MARK3: variants seen among roughly 807,000 people sequenced by gnomAD.
The protein encoded by MARK3 is MAP/microtubule affinity-regulating kinase 3.
MARK3 carries 46 observed loss-of-function variants against 90.1 expected under a neutral mutation model. The observed-to-expected ratio is 0.51, with a 90% CI of 0.40 to 0.65. MARK3 has a LOEUF of 0.65. Ranked by LOEUF, MARK3 falls within the 30% of genes least tolerant of loss-of-function variation. MARK3 has a pLI of 0.00. For missense variants in MARK3, 818 were observed against 947.2 expected, an observed-to-expected ratio of 0.86 and a Z score of 1.79; for synonymous variants, 321 against 332.6, an observed-to-expected ratio of 0.97 and a Z score of 0.38.
In MARK3 at chr14:103,491,885, C is replaced by T; in HGVS notation, c.1695C>T (p.Phe565=). 6.2e-7 allele frequency: 1 copy of T among 1,614,220 alleles called. No homozygotes were observed. Among genetic ancestry groups the T allele is most frequent in the Non-Finnish European group, 8.5e-7 (1 of 1,180,040 alleles). Residue 565 remains phenylalanine, a synonymous_variant, in exon 15 of 18, where the codon TTC becomes TTT. Transcript: ENST00000429436. The stretch of plus-strand genomic sequence containing the variant: ...GAGGCACTGCCAGTCGTAGCACTTT[C>T]CACGGCCAGCCCCGGGAACGGCGAA... ...FPRGTASRST[F]HGQPRERRTA...
Position 103,385,752 on chromosome 14 carries a change from G to A in MARK3, c.-278G>A, listed in dbSNP as rs2089735729. 1.7e-5 allele frequency: 6 copies of A among 361,924 alleles called. No individual in the cohort carries two copies. Among genetic ancestry groups the A allele is most frequent in the Non-Finnish European group, 3.0e-5 (6 of 202,716 alleles). 22.4% of individuals were successfully genotyped at this position (361,924 alleles called of 1,614,324 possible). On this transcript the variant is annotated 5_prime_UTR_variant, in exon 1 of 18. Coordinates refer to ENST00000429436, the MANE Select transcript of MARK3 (RefSeq NM_001128918.3). ...TGAGGCAAGGGGACGCCGGCGGGCC[G>A]AAGCGCAGCCCGCCGCCCGCAGGCT...
chr14:103,410,936 A>G (rs1234536466), intron 2 of MARK3, among the ~76,000 whole-genome samples: 1 of 152,036 alleles, frequency 6.6e-6, no homozygotes, highest in Non-Finnish European at 1.5e-5. Flanking sequence ...TCTTTATTAC[A>G]TTTGGGTTTC....
At chr14:103,449,296 C>CT (rs1436117480) in intron 4 of MARK3, among the ~76,000 whole-genome samples, 1 of 151,060 alleles carries the variant, frequency 6.6e-6, no homozygotes, top group African/African-American at 2.4e-5. Context: ...TTCAAAGGGG[C>CT]TGGGCACAGT....
chr14:103,467,958 A>G (rs1395924467), intron 11 of MARK3, 75 bp from the exon 12 acceptor site: 2 of 1,460,452 alleles, frequency 1.4e-6, no homozygotes, highest in Admixed American at 1.9e-5. Context: ...GTCTGTGTTA[A>G]TGAAAAGTTT....
Position 103,480,443 on chromosome 14 carries a change from A to G in MARK3, c.1539A>G (p.Arg513=). 1 of 1,613,682 alleles carries G rather than the reference A, an allele frequency of 6.2e-7. No individual in the cohort carries two copies. The highest frequency in any genetic ancestry group is 8.5e-7 in the Non-Finnish European group (1 of 1,179,650). The change falls in exon 14 of 18, where the codon AGA becomes AGG. Residue 513 remains arginine (R), a synonymous_variant. Transcript: ENST00000429436. ...TRRNTYVCSE[R]TTADRHSVIQ... is the part of the protein sequence containing the mutation. ...GAAATACTTATGTTTGCAGTGAGAGAACTACAGCTGATAGACACTCAGTGA... is the reference window on the plus strand; with the variant it reads ...GAAATACTTATGTTTGCAGTGAGAGGACTACAGCTGATAGACACTCAGTGA...
Position 103,475,024 on chromosome 14 carries a change from T to C in MARK3, c.1296T>C (p.Tyr432=), listed in dbSNP as rs1439026871. 6.2e-7 allele frequency: 1 copy of C among 1,614,042 alleles called. No homozygotes were observed. The highest frequency in any genetic ancestry group is 2.2e-5 in the East Asian group (1 of 44,890). The change falls in exon 13 of 18, where the codon TAT becomes TAC. Residue 432 remains tyrosine (Y), a synonymous_variant. Transcript: ENST00000429436. ...CAGCTATTCCTTCTGTTGTGGCGTA[T>C]CCGAAAAGGAGTCAGACCAGCACTG... is the stretch of plus-strand genomic sequence containing the variant. ...AGPAIPSVVA[Y]PKRSQTSTAD... is the part of the protein sequence containing the mutation.
chr14:103,484,167 T>TC (rs199602559), intron 14 of MARK3, among the ~76,000 whole-genome samples: 1,570 of 151,448 alleles, frequency 0.01, 23 homozygotes, highest in African/African-American at 0.036. Flanking sequence ...TCTTTTCTTT[T>TC]TTTTTTTTCT....
chr14:103,449,079 A>T (rs372552409), intron 4 of MARK3, 112 bp downstream of exon 4: 10 of 1,180,624 alleles, frequency 8.5e-6, no homozygotes, highest in Non-Finnish European at 1.2e-5. Context: ...TAAAATATAT[A>T]TACAAGTTGT....
intron 2 of MARK3, among the ~76,000 whole-genome samples, chr14:103,416,157 T>C (rs1483872178): frequency 6.6e-6 from 1 of 152,234 alleles, no homozygotes; most frequent in Non-Finnish European, 1.5e-5. Context: ...TTGGCCAAAA[T>C]GTTCTAGCTT....
At chr14:103,434,088 G>C (rs1447705249) in intron 3 of MARK3, among the ~76,000 whole-genome samples, 1 of 152,110 alleles carries the variant, frequency 6.6e-6, no homozygotes, top group Non-Finnish European at 1.5e-5. Flanking sequence ...ACATCTGATA[G>C]GTGGCTACAT....
chr14:103,427,124 T>G (rs1404087269), intron 2 of MARK3, among the ~76,000 whole-genome samples: 1 of 151,720 alleles, frequency 6.6e-6, no homozygotes, highest in African/African-American at 2.4e-5. Context: ...AAATATAAAA[T>G]GTTATAACAA....
rs1356508231 is a variant in MARK3, at chr14:103,385,805, C to G, written c.-225C>G. ...GCTCCGCCACTGCCGCCCTCCCGGT[C>G]TCCTCGCCTCGGCCGCCGAGGCAGG... On this transcript the variant is annotated 5_prime_UTR_variant, in exon 1 of 18. Coordinates refer to ENST00000429436, the MANE Select transcript of MARK3 (RefSeq NM_001128918.3). 2 of 430,558 alleles carry G rather than the reference C, an allele frequency of 4.6e-6. No individual in the cohort carries two copies. Among genetic ancestry groups the G allele is most frequent in the African/African-American group, 4.2e-5 (2 of 48,164 alleles). 26.7% of individuals were successfully genotyped at this position (430,558 alleles called of 1,614,324 possible).
At chr14:103,490,016 T>A (rs1338742538) in intron 14 of MARK3, 1 of 152,302 alleles carries the variant, frequency 6.6e-6, no homozygotes, top group Admixed American at 6.5e-5. Flanking sequence ...CTAGACTATA[T>A]TGTTAAAACA....
intron 14 of MARK3, among the ~76,000 whole-genome samples, chr14:103,487,217 T>C (rs998632355): frequency 1.3e-5 from 2 of 149,460 alleles, no homozygotes; most frequent in African/African-American, 2.5e-5. Flanking sequence ...ACGCCCAGCC[T>C]CAAGTTAATA....
At chr14:103,494,792 G>A (rs891122925) in intron 15 of MARK3, among the ~76,000 whole-genome samples, 4 of 151,752 alleles carry the variant, frequency 2.6e-5, no homozygotes, top group South Asian at 4.2e-4. Context: ...GCCCACCATC[G>A]CGCCTGGCTA....
chr14:103,443,751 A>T (rs1001428837), intron 3 of MARK3, among the ~76,000 whole-genome samples: 6 of 152,214 alleles, frequency 3.9e-5, no homozygotes, highest in African/African-American at 1.4e-4. Context: ...TACTCTGTAT[A>T]TTAAGAAGCA....
At chr14:103,438,741 C>T (rs2092777110) in intron 3 of MARK3, among the ~76,000 whole-genome samples, 1 of 151,552 alleles carries the variant, frequency 6.6e-6, no homozygotes, top group Non-Finnish European at 1.5e-5. Flanking sequence ...AGCCTGTAAT[C>T]CCAGCACTTT....
At chr14:103,404,956 C>G (rs1264885040) in intron 1 of MARK3, 120 bp from the exon 2 acceptor site, 1 of 661,088 alleles carries the variant, frequency 1.5e-6, no homozygotes, top group Admixed American at 3.6e-5. Flanking sequence ...CTTTGAAGTG[C>G]TAGATACTTT....
intron 14 of MARK3, chr14:103,490,450 C>T (rs1174007504): frequency 6.6e-6 from 1 of 152,070 alleles, no homozygotes; most frequent in Non-Finnish European, 1.5e-5. Context: ...TTTGGAAGGC[C>T]AAGGCGGGAG....
Sources: gnomAD v4.1 joint callset for allele counts (sites outside exome capture counted in the v4.1 genomes callset) on GRCh38, gnomAD v4.1.1 for gene constraint, MANE v1.5 for transcripts, NCBI Gene and HGNC (gene_info 2026-07-23, HGNC 2026-07-21) for gene names.